Variants in AQP7 observed in about 807,000 individuals in gnomAD.
The protein encoded by AQP7 is aquaporin 7, also known as aquaporin-7.
AQP7 carries 22 observed loss-of-function variants against 26.1 expected under a neutral mutation model. The ratio of observed to expected loss-of-function variants is 0.84; its 90% confidence interval spans 0.60 to 1.20. AQP7 has a LOEUF of 1.20. AQP7 is among the 50% of genes most tolerant of loss of function. The probability of loss-of-function intolerance (pLI) is 0.00; values close to 1 mark genes in which losing one functional copy is unlikely to be tolerated. For missense variants in AQP7, 412 were observed against 457.5 expected (o/e 0.90, Z 0.91); for synonymous variants, 167 against 181.7 (o/e 0.92, Z 0.65).
intron 3 of AQP7, among the ~76,000 whole-genome samples, chr9:33,389,776 C>T (rs1466243849): frequency 6.6e-6 from 1 of 152,074 alleles, no homozygotes; most frequent in African/African-American, 2.4e-5. Flanking sequence ...GTGGCTCATG[C>T]CTGTAATCCC....
At chr9:33,401,553 C>G (rs528758329) in intron 1 of AQP7, 314 of 498,074 alleles carry the variant, frequency 6.3e-4, no homozygotes, top group African/African-American at 3.3e-3. Flanking sequence ...GTCTGCAGCC[C>G]GGCTTTGGAC....
chr9:33,389,010 C>T (rs189804589), intron 3 of AQP7, among the ~76,000 whole-genome samples: 18 of 147,118 alleles, frequency 1.2e-4, no homozygotes, highest in Middle Eastern at 3.5e-3. Context: ...GCATGTGCCT[C>T]GGCACCCAGC....
intron 3 of AQP7, among the ~76,000 whole-genome samples, chr9:33,388,267 C>T (rs1001226062): frequency 1.3e-5 from 2 of 152,188 alleles, no homozygotes; most frequent in African/African-American, 4.8e-5. Context: ...CTATGTTCCC[C>T]ATCCCCGTTG....
intron 3 of AQP7, among the ~76,000 whole-genome samples, chr9:33,389,712 G>A (rs909506823): frequency 4.6e-5 from 7 of 152,162 alleles, no homozygotes; most frequent in African/African-American, 1.7e-4. Flanking sequence ...AGCCGTCAGA[G>A]GAGAAGGCCC....
chr9:33,398,968 T>C lies in AQP7; in HGVS notation c.26+2269A>G, dbSNP rs1041213400. 3.2e-5 allele frequency among the ~76,000 whole-genome samples: 4 copies of C among 125,632 alleles called. No individual in the cohort carries two copies. The Admixed American group carries it at 3.9e-4, about 12-fold the overall frequency. 82.4% of individuals were successfully genotyped at this position (125,632 alleles called of 152,430 possible). A position where few individuals can be genotyped will look rare whatever the true frequency, so the allele number is the denominator to read the frequency against. ...AAAAGCCTGTTTCTTTTCTTTTTCT[T>C]TTTCCTTTTTTTTTTTTTTTGAGAC... On this transcript the variant is annotated intron_variant, in intron 2 of 7. Transcript: ENST00000297988.
At position 33,385,855 on chromosome 9, in the gene AQP7, G is replaced by A. The variant is rs769592392; in HGVS notation, c.537C>T (p.Thr179=). 1.7e-5 allele frequency: 28 copies of A among 1,608,398 alleles called. No homozygotes were observed. The highest frequency in any genetic ancestry group is 1.2e-4 in the South Asian group (11 of 90,934). Residue 179 remains threonine, a synonymous_variant, in exon 7 of 8, where the codon ACC becomes ACT. Coordinates refer to ENST00000297988, the MANE Select transcript of AQP7 (RefSeq NM_001170.3). ...CGAAGAGACACAGCTGGAGCATCCC[G>A]GTCAGCCACGCCTGAGGAGCAGATG... The part of the protein sequence containing the change: ...WRGFLNEAWL[T]GMLQLCLFAI...
intron 3 of AQP7, among the ~76,000 whole-genome samples, chr9:33,392,965 C>T (rs1179630991): frequency 5.3e-5 from 8 of 152,172 alleles, no homozygotes; most frequent in Non-Finnish European, 1.0e-4. Context: ...AGGTGACTCA[C>T]GCCAGCAATC....
At position 33,383,206 on chromosome 9, in the gene AQP7, C is replaced by T. The variant is rs796583488; in HGVS notation, c.*1799G>A. The T allele has an allele frequency of 6.6e-6, 1 of 152,192 alleles. No homozygotes were observed. Among genetic ancestry groups the T allele is most frequent in the Non-Finnish European group, 1.5e-5 (1 of 68,044 alleles). The allele number at this position is 152,192 out of a possible 1,614,324, so 9.4% of individuals were successfully genotyped here. A position where few individuals can be genotyped will look rare whatever the true frequency, so the allele number is the denominator to read the frequency against. ...ATTCTCAACATTTTACATGTGGTAGCGCATTTAATATTCACAGCAACACAA... is the reference window on the plus strand; with the variant it reads ...ATTCTCAACATTTTACATGTGGTAGTGCATTTAATATTCACAGCAACACAA... On this transcript the variant is annotated 3_prime_UTR_variant, in exon 8 of 8. Coordinates refer to ENST00000297988, the MANE Select transcript of AQP7 (RefSeq NM_001170.3).
At chr9:33,390,079 T>G in intron 3 of AQP7, among the ~76,000 whole-genome samples, 1 of 145,720 alleles carries the variant, frequency 6.9e-6, no homozygotes, top group African/African-American at 2.6e-5. Flanking sequence ...AAGACACCAG[T>G]GTAGACTCCT....
At chr9:33,394,045 T>C (rs1221022480) in intron 3 of AQP7, 1 of 152,526 alleles carries the variant, frequency 6.6e-6, no homozygotes, top group Admixed American at 6.5e-5. Context: ...TTCAACTTTT[T>C]CCTTCCAGAC....
intron 1 of AQP7, chr9:33,401,699 G>A: frequency 3.6e-5 from 8 of 223,248 alleles, no homozygotes; most frequent in South Asian, 1.5e-4. Flanking sequence ...ATGCACGCAT[G>A]CACACACACA....
In AQP7 at chr9:33,400,710, C is replaced by T. The variant is rs142781277; in HGVS notation, c.26+527G>A. On this transcript the variant is annotated intron_variant, in intron 2 of 7. Transcript: ENST00000297988. ...ATCACAGCTACTCAGGAGGCTGAGG[C>T]AAGAGAATCGCTTGAACCCGGGAGG... is the stretch of plus-strand genomic sequence containing the variant. Among the ~76,000 whole-genome samples, 13 of 151,742 alleles carry T rather than the reference C, an allele frequency of 8.6e-5. No homozygotes were observed. The East Asian group carries it at 2.5e-3, about 29-fold the overall frequency.
In AQP7 at chr9:33,386,542, C is replaced by T; in HGVS notation, c.269-1G>A. The T allele has an allele frequency of 5.6e-6, 9 of 1,611,298 alleles. No homozygotes were observed. The highest frequency in any genetic ancestry group is 7.6e-6 in the Non-Finnish European group (9 of 1,178,750). ...GTCACAGCTGCGTTCATGTGGGCTC[C>T]TGCGGGCAGCAGGCAAGTGTGTCAG... On this transcript the variant is annotated splice_acceptor_variant, in intron 4 of 7. Transcript: ENST00000297988. LOFTEE classifies it high-confidence loss of function.
Position 33,399,489 on chromosome 9 carries a change from G to A in AQP7, c.26+1748C>T, listed in dbSNP as rs201648979. Among the ~76,000 whole-genome samples the A allele has an allele frequency of 9.9e-5, 15 of 152,168 alleles. No homozygotes were observed. In the South Asian group the frequency reaches 2.3e-3, roughly 23 times the overall value. On this transcript the variant is annotated intron_variant, in intron 2 of 7. Transcript: ENST00000297988. Reference sequence around the variant, plus strand: ...GGCAGGCACCTGTAATACCAGCTGGGGGGGGAGGGGCTGAGACATGAGAAT... The same window carrying A: ...GGCAGGCACCTGTAATACCAGCTGGAGGGGGAGGGGCTGAGACATGAGAAT...
rs750700265 is a variant in AQP7, at chr9:33,395,148, A to T, written c.74T>A (p.Ile25Asn). The change falls in exon 3 of 8, where the codon ATC becomes AAC. Residue 25 changes from isoleucine (I) to asparagine (N), a missense_variant. Coordinates refer to ENST00000297988, the MANE Select transcript of AQP7 (RefSeq NM_001170.3). The stretch of plus-strand genomic sequence containing the variant: ...CATCTTCCTCTGCAGTATTTCCTGG[A>T]TCTTTGCTATCACGGACCAGGAGAC... ...KMVSWSVIAK[I>N]QEILQRKMVR... 1.2e-6 allele frequency: 2 copies of T among 1,613,876 alleles called. No individual in the cohort carries two copies. The highest frequency in any genetic ancestry group is 1.7e-6 in the Non-Finnish European group (2 of 1,179,850).
intron 3 of AQP7, chr9:33,394,263 G>C (rs1228193692): frequency 6.6e-6 from 1 of 152,262 alleles, no homozygotes; most frequent in Non-Finnish European, 1.5e-5. Flanking sequence ...CCCCAAACCA[G>C]TCATCACCTT....
intron 3 of AQP7, among the ~76,000 whole-genome samples, chr9:33,390,264 A>G (rs1354481138): frequency 6.6e-6 from 1 of 152,094 alleles, no homozygotes; most frequent in Non-Finnish European, 1.5e-5. Context: ...AGGACAGAGT[A>G]AAGTACCTGA....
At chr9:33,397,277 C>A (rs1384839813) in intron 2 of AQP7, among the ~76,000 whole-genome samples, 1 of 151,988 alleles carries the variant, frequency 6.6e-6, no homozygotes, top group African/African-American at 2.4e-5. Flanking sequence ...AGAAAGGAGC[C>A]AGGCTTCCAG....
chr9:33,388,126 A>T (rs978180980), intron 3 of AQP7, among the ~76,000 whole-genome samples: 1 of 152,152 alleles, frequency 6.6e-6, no homozygotes, highest in African/African-American at 2.4e-5. Flanking sequence ...CTGATGCGCT[A>T]AAATTCCCGT....
Sources: allele counts gnomAD v4.1 joint callset (sites outside exome capture counted in the v4.1 genomes callset), GRCh38; gene constraint gnomAD v4.1.1; transcripts MANE v1.5; gene names NCBI Gene and HGNC (gene_info 2026-07-23, HGNC 2026-07-21).